Variants in LINGO1 observed in about 807,000 individuals in gnomAD.
The protein encoded by LINGO1 is leucine-rich repeat and immunoglobulin-like domain-containing nogo receptor-interacting protein 1.
In LINGO1, 11 loss-of-function variants were observed where a neutral mutation model predicts 37.3. That is an observed-to-expected ratio of 0.29 (90% CI 0.19 to 0.49). The LOEUF (loss-of-function observed/expected upper bound fraction) is 0.49, where lower values mean the gene tolerates loss of function less well. Among genes scored for constraint, LINGO1 ranks in the 20% least tolerant of loss-of-function variants. The probability of loss-of-function intolerance (pLI) is 0.99; values close to 1 mark genes in which losing one functional copy is unlikely to be tolerated. For missense variants in LINGO1, 585 were observed against 878.2 expected, an observed-to-expected ratio of 0.67 and a Z score of 4.22; for synonymous variants, 387 against 403.0, an observed-to-expected ratio of 0.96 and a Z score of 0.48.
upstream of LINGO1, among the ~76,000 whole-genome samples, chr15:77,697,717 C>T (rs912258269): frequency 1.3e-5 from 2 of 152,106 alleles, no homozygotes; most frequent in Admixed American, 1.3e-4. Context: ...AAAGCGGGAG[C>T]CTGAGGGGCT....
At chr15:77,663,086 T>C (rs1181604830) in intron 3 of LINGO1, among the ~76,000 whole-genome samples, 2 of 152,228 alleles carry the variant, frequency 1.3e-5, no homozygotes, top group African/African-American at 4.8e-5. Context: ...AGTCCAGGGC[T>C]AAGTCTGCCC....
intron 1 of LINGO1, among the ~76,000 whole-genome samples, chr15:77,764,300 A>G (rs965826283): frequency 1.3e-5 from 2 of 152,186 alleles, no homozygotes; most frequent in Non-Finnish European, 2.9e-5. Flanking sequence ...CTCATCCCCA[A>G]CAAGTAATAA....
At chr15:77,736,409 G>C (rs1031762820) in intron 1 of LINGO1, among the ~76,000 whole-genome samples, 1 of 152,082 alleles carries the variant, frequency 6.6e-6, no homozygotes, top group Admixed American at 6.5e-5. Flanking sequence ...CTCTTAACTC[G>C]TCTGATCCTA....
chr15:77,769,714 T>A (rs1596209214), intron 1 of LINGO1, among the ~76,000 whole-genome samples: 1 of 152,106 alleles, frequency 6.6e-6, no homozygotes, highest in Non-Finnish European at 1.5e-5. Context: ...GACGGCTGTT[T>A]ATCTACTCAC....
intron 3 of LINGO1, among the ~76,000 whole-genome samples, chr15:77,642,945 T>C (rs1435766557): frequency 1.3e-5 from 2 of 152,240 alleles, no homozygotes; most frequent in South Asian, 2.1e-4. Flanking sequence ...CCTGAGGCCA[T>C]GCAGCGAGTC....
At chr15:77,715,966 A>C (rs370340410) in intron 2 of LINGO1, among the ~76,000 whole-genome samples, 1 of 152,246 alleles carries the variant, frequency 6.6e-6, no homozygotes, top group South Asian at 2.1e-4. Context: ...AGGGAAACAT[A>C]CTGTGTGTGA....
At chr15:77,702,447 G>A (rs1444406842) in intron 2 of LINGO1, among the ~76,000 whole-genome samples, 1 of 152,130 alleles carries the variant, frequency 6.6e-6, no homozygotes, top group Non-Finnish European at 1.5e-5. Context: ...CTCCACCCCA[G>A]GGGCCTGGGG....
intron 1 of LINGO1, among the ~76,000 whole-genome samples, chr15:77,626,966 C>G (rs1237918413): frequency 7.1e-6 from 1 of 140,334 alleles, no homozygotes; most frequent in Admixed American, 7.0e-5. Flanking sequence ...CCCCCCAACC[C>G]CCCATCCGCA....
At chr15:77,677,519 T>C (rs1386277472) in intron 2 of LINGO1, among the ~76,000 whole-genome samples, 1 of 152,184 alleles carries the variant, frequency 6.6e-6, no homozygotes, top group East Asian at 1.9e-4. Context: ...GATACACAGA[T>C]GGACAACCCC....
intron 1 of LINGO1, among the ~76,000 whole-genome samples, chr15:77,621,483 AG>A (rs929203681): frequency 1.3e-5 from 2 of 152,298 alleles, no homozygotes; most frequent in Admixed American, 1.3e-4. Context: ...ACAAAGCCAG[AG>A]GGGGGCAGAG....
chr15:77,627,620 G>T (rs2074133821), intron 1 of LINGO1, among the ~76,000 whole-genome samples: 1 of 152,170 alleles, frequency 6.6e-6, no homozygotes, highest in Non-Finnish European at 1.5e-5. Flanking sequence ...GTGCACAGGG[G>T]GGCTGTGCAG....
chr15:77,756,144 C>G (rs536228630), intron 1 of LINGO1, among the ~76,000 whole-genome samples: 2 of 152,206 alleles, frequency 1.3e-5, no homozygotes, highest in African/African-American at 2.4e-5. Context: ...AAGGGCCAGG[C>G]AGGCCCAGGC....
At chr15:77,736,607 AT>A (rs1185807206) in intron 1 of LINGO1, among the ~76,000 whole-genome samples, 3 of 152,198 alleles carry the variant, frequency 2.0e-5, no homozygotes, top group South Asian at 2.1e-4. Flanking sequence ...TACAAAAAAA[AT>A]AAATTAATTT....
intron 1 of LINGO1, among the ~76,000 whole-genome samples, chr15:77,798,576 T>C (rs2076892224): frequency 6.6e-6 from 1 of 152,122 alleles, no homozygotes; most frequent in Non-Finnish European, 1.5e-5. Flanking sequence ...AGCGTGACAA[T>C]GATTTGGGGC....
intron 2 of LINGO1, among the ~76,000 whole-genome samples, chr15:77,722,753 G>A (rs2076062793): frequency 6.6e-6 from 1 of 152,340 alleles, no homozygotes; most frequent in East Asian, 1.9e-4. Flanking sequence ...GGTGGAGAGT[G>A]CGTGGGTGTA....
At chr15:77,810,610 C>A (rs2076998018) in intron 1 of LINGO1, among the ~76,000 whole-genome samples, 1 of 152,196 alleles carries the variant, frequency 6.6e-6, no homozygotes, top group Admixed American at 6.5e-5. Flanking sequence ...CACCATGAGA[C>A]ACAAGACAGA....
Position 77,685,629 on chromosome 15 carries a change from G to A in LINGO1, c.-99+5091C>T, listed in dbSNP as rs150095469. 4.6e-4 allele frequency among the ~76,000 whole-genome samples: 70 copies of A among 151,384 alleles called. 1 individual carries two copies. Among genetic ancestry groups the A allele is most frequent in the Admixed American group, 4.3e-3 (66 of 15,224 alleles). On this transcript the variant is annotated intron_variant, in intron 2 of 3. Coordinates refer to the LINGO1 transcript ENST00000559893. Reference sequence around the variant, plus strand: ...TCCCAACAGTTTGGGAGGCTGAGGCGGGAAGATCACTTGAGGCCAGGAGTT... The same window carrying A: ...TCCCAACAGTTTGGGAGGCTGAGGCAGGAAGATCACTTGAGGCCAGGAGTT...
upstream of LINGO1, among the ~76,000 whole-genome samples, chr15:77,699,588 C>CT (rs2075747217): frequency 3.9e-4 from 1 of 2,552 alleles, no homozygotes. Context: ...TAACCATCCC[C>CT]GCACACAGTA....
upstream of LINGO1, among the ~76,000 whole-genome samples, chr15:77,787,509 G>A (rs918267961): frequency 1.3e-5 from 2 of 151,774 alleles, no homozygotes; most frequent in Non-Finnish European, 1.5e-5. Flanking sequence ...CAGGGGTCCC[G>A]GTGGAGGGTT....
Sources: gnomAD v4.1 joint callset for allele counts (sites outside exome capture counted in the v4.1 genomes callset) on GRCh38, gnomAD v4.1.1 for gene constraint, MANE v1.5 for transcripts, NCBI Gene and HGNC (gene_info 2026-07-23, HGNC 2026-07-21) for gene names.